SORCS3: variants seen among roughly 807,000 people sequenced by gnomAD.
SORCS3 encodes the protein sortilin related VPS10 domain containing receptor 3, also known as VPS10 domain-containing receptor SorCS3.
In SORCS3, 57 loss-of-function variants were observed where a neutral mutation model predicts 146.3. That is an observed-to-expected ratio of 0.39 (90% CI 0.31 to 0.49). SORCS3 has a LOEUF of 0.49. Ranked by LOEUF, SORCS3 falls within the 20% of genes least tolerant of loss-of-function variation. SORCS3 has a pLI of 0.92. For missense variants in SORCS3, 1,341 were observed against 1,575.5 expected (o/e 0.85, Z 2.52); for synonymous variants, 653 against 618.5 (o/e 1.06, Z -0.83).
intron 4 of SORCS3, among the ~76,000 whole-genome samples, chr10:105,022,734 C>T (rs192338987): frequency 4.9e-4 from 74 of 152,048 alleles, no homozygotes; most frequent in Non-Finnish European, 9.0e-4. Context: ...TTATTGTGAC[C>T]GTGGGCACCT....
At chr10:104,722,411 T>C (rs1420977669) in intron 1 of SORCS3, among the ~76,000 whole-genome samples, 2 of 152,288 alleles carry the variant, frequency 1.3e-5, no homozygotes, top group African/African-American at 2.4e-5. Flanking sequence ...TGCATCGATG[T>C]TCATCAGGGA....
intron 19 of SORCS3, among the ~76,000 whole-genome samples, chr10:105,222,031 C>T (rs978880691): frequency 3.4e-5 from 5 of 147,154 alleles, no homozygotes; most frequent in Admixed American, 6.8e-5. Context: ...GATGCAACAC[C>T]GATACCTTAA....
At chr10:104,653,239 C>T (rs746795000) in intron 1 of SORCS3, among the ~76,000 whole-genome samples, 4 of 152,052 alleles carry the variant, frequency 2.6e-5, no homozygotes, top group African/African-American at 4.8e-5. Context: ...TCTGTTTTAC[C>T]GTGTGTTTCT....
chr10:104,683,117 C>T (rs915985363), intron 1 of SORCS3, among the ~76,000 whole-genome samples: 1 of 152,214 alleles, frequency 6.6e-6, no homozygotes, highest in Non-Finnish European at 1.5e-5. Context: ...TTGTCCTCAA[C>T]CTGGTGCATC....
intron 2 of SORCS3, among the ~76,000 whole-genome samples, chr10:104,868,152 C>G (rs2018480068): frequency 6.6e-6 from 1 of 152,226 alleles, no homozygotes; most frequent in Admixed American, 6.5e-5. Flanking sequence ...ACTCTGACGT[C>G]AGAATGCTTC....
At chr10:105,142,423 C>T (rs895492714) in intron 8 of SORCS3, among the ~76,000 whole-genome samples, 3 of 152,274 alleles carry the variant, frequency 2.0e-5, no homozygotes, top group African/African-American at 4.8e-5. Flanking sequence ...TTTTCTCATA[C>T]GTGATTTGCT....
At chr10:104,850,162 A>G (rs11192205) in intron 2 of SORCS3, among the ~76,000 whole-genome samples, 16,431 of 152,294 alleles carry the variant, frequency 0.11, 1,060 homozygotes, top group South Asian at 0.26. Context: ...GGGTGGGGCC[A>G]TGCATGTTTC....
intron 1 of SORCS3, among the ~76,000 whole-genome samples, chr10:104,760,826 C>G (rs557998980): frequency 9.2e-5 from 14 of 152,078 alleles, no homozygotes; most frequent in African/African-American, 3.4e-4. Context: ...TCACAGTAAG[C>G]CTGAGACATC....
intron 1 of SORCS3, among the ~76,000 whole-genome samples, chr10:104,670,803 G>A (rs189082762): frequency 4.6e-5 from 7 of 152,210 alleles, no homozygotes; most frequent in East Asian, 3.9e-4. Context: ...TAAGTCTCTC[G>A]TTCATGAACA....
chr10:105,034,086 GA>G (rs1411837813), intron 4 of SORCS3, among the ~76,000 whole-genome samples: 1 of 152,134 alleles, frequency 6.6e-6, no homozygotes, highest in Non-Finnish European at 1.5e-5. Context: ...CATTGATCAT[GA>G]AATTATACAA....
chr10:105,167,787 G>A (rs77096898), intron 13 of SORCS3, among the ~76,000 whole-genome samples: 281 of 152,228 alleles, frequency 1.8e-3, no homozygotes, highest in Middle Eastern at 6.8e-3. Context: ...TCTGAAGTTC[G>A]GGAATGGTCT....
Position 105,077,311 on chromosome 10 carries a change from C to T in SORCS3, c.1029-12464C>T, listed in dbSNP as rs2055594738. Reference sequence around the variant, plus strand: ...GAAACATTATTTGTGTTGTGATTCACTAAGTGTATTTCATGACCCACTAAT... The same window carrying T: ...GAAACATTATTTGTGTTGTGATTCATTAAGTGTATTTCATGACCCACTAAT... On this transcript the variant is annotated intron_variant, in intron 5 of 26. Coordinates refer to ENST00000369701, the MANE Select transcript of SORCS3 (RefSeq NM_014978.3). 1.3e-5 allele frequency among the ~76,000 whole-genome samples: 2 copies of T among 152,088 alleles called. 1 individual carries two copies. The highest frequency in any genetic ancestry group is 4.1e-4 in the South Asian group (2 of 4,822).
chr10:104,960,683 C>T (rs754005719), intron 3 of SORCS3, among the ~76,000 whole-genome samples: 20 of 152,154 alleles, frequency 1.3e-4, no homozygotes, highest in South Asian at 2.1e-4. Flanking sequence ...AAAGGCTCCA[C>T]GTCTCAAAAC....
At chr10:104,677,139 G>A (rs2015920526) in intron 1 of SORCS3, among the ~76,000 whole-genome samples, 1 of 152,216 alleles carries the variant, frequency 6.6e-6, no homozygotes, top group Admixed American at 6.5e-5. Flanking sequence ...AGTGAAGGCT[G>A]TAACTACCCC....
chr10:104,962,675 T>C (rs11812127), intron 3 of SORCS3, among the ~76,000 whole-genome samples: 24,102 of 152,194 alleles, frequency 0.16, 3,680 homozygotes, highest in African/African-American at 0.41. Flanking sequence ...ATGCGTAGCA[T>C]GTTTTATCAA....
chr10:104,824,198 C>T (rs2017909460), intron 1 of SORCS3, among the ~76,000 whole-genome samples: 1 of 152,184 alleles, frequency 6.6e-6, no homozygotes, highest in African/African-American at 2.4e-5. Flanking sequence ...TCTGTTACAA[C>T]AGCAATAGAA....
chr10:104,990,860 C>G (rs2054989845), intron 4 of SORCS3, among the ~76,000 whole-genome samples: 1 of 152,136 alleles, frequency 6.6e-6, no homozygotes, highest in Admixed American at 6.5e-5. Context: ...GTCTGGCTAC[C>G]TTGATTTTAA....
chr10:104,842,376 C>G (rs78672742), intron 1 of SORCS3, among the ~76,000 whole-genome samples: 4 of 152,260 alleles, frequency 2.6e-5, no homozygotes, highest in African/African-American at 9.6e-5. Context: ...TCCCTTTTAC[C>G]CTTTTAGTTC....
intron 4 of SORCS3, among the ~76,000 whole-genome samples, chr10:105,019,837 A>G (rs2055188540): frequency 6.6e-6 from 1 of 152,324 alleles, no homozygotes; most frequent in South Asian, 2.1e-4. Context: ...AAATGAGTGA[A>G]TAAGTGAATA....
Sources: allele counts gnomAD v4.1 joint callset (sites outside exome capture counted in the v4.1 genomes callset), GRCh38; gene constraint gnomAD v4.1.1; transcripts MANE v1.5; gene names NCBI Gene and HGNC (gene_info 2026-07-23, HGNC 2026-07-21).